ZNF880: variants seen among roughly 807,000 people sequenced by gnomAD.
ZNF880 encodes the protein zinc finger protein 880, also known as zinc finger protein LOC400713.
In ZNF880, 12 loss-of-function variants were observed where a neutral mutation model predicts 11.8. The observed-to-expected ratio is 1.02, with a 90% CI of 0.65 to 1.65. The LOEUF (loss-of-function observed/expected upper bound fraction) is 1.65, where lower values mean the gene tolerates loss of function less well. Ranked by LOEUF, ZNF880 falls within the 40% of genes most tolerant of loss-of-function variation. ZNF880 has a pLI of 0.00. For synonymous variants in ZNF880, 210 were observed against 232.4 expected, an observed-to-expected ratio of 0.90 and a Z score of 0.88; for missense variants, 601 against 673.9, an observed-to-expected ratio of 0.89 and a Z score of 1.20.
At position 52,384,254 on chromosome 19, in the gene ZNF880, C is replaced by T. The variant is rs1349255894; in HGVS notation, c.674C>T (p.Ser225Leu). Residue 225 changes from serine (S) to leucine (L), a missense_variant, in exon 4 of 4, where the codon TCA (serine) becomes TTA (leucine). Ser to Leu is a moderately radical substitution (Grantham distance 145). Around this residue, in one of 3 missense-constraint regions of ZNF880, gnomAD observed 420 missense variants for 442.6 expected, o/e 0.95. Coordinates refer to ENST00000422689, the MANE Select transcript of ZNF880 (RefSeq NM_001145434.2). The stretch of plus-strand genomic sequence containing the variant: ...TGTGACAAGGTCTTCAGTAACAGTT[C>T]AAACCTTGTACAACATCAAAGAATT... Reference protein sequence around the residue: ...NECDKVFSNSSNLVQHQRIHT... With the variant: ...NECDKVFSNSLNLVQHQRIHT... 6.2e-7 allele frequency: 1 copy of T among 1,613,342 alleles called. No homozygotes were observed. Among genetic ancestry groups the T allele is most frequent in the Middle Eastern group, 1.6e-4 (1 of 6,062 alleles).
At position 52,384,861 on chromosome 19, in the gene ZNF880, AC is replaced by A; in HGVS notation, c.1282del (p.Leu428Ter). 6.2e-7 allele frequency: 1 copy of A among 1,611,582 alleles called. No individual in the cohort carries two copies. Among genetic ancestry groups the A allele is most frequent in the Non-Finnish European group, 8.5e-7 (1 of 1,178,572 alleles). On this transcript the variant is annotated frameshift_variant, in exon 4 of 4. Transcript: ENST00000422689. LOFTEE classifies it low-confidence loss of function (END_TRUNC). ...RDCSGLTAHL[L>X]IHTGEKPYKC... ...ACTGTTCAGGCCTTACTGCCCATCT[AC>A]TAATTCACACTGGAGAGAAACCTTA...
chr19:52,394,295 G>A, the ZNF880 span, among the ~76,000 whole-genome samples: 1 of 152,178 alleles, frequency 6.6e-6, no homozygotes, highest in African/African-American at 2.4e-5. Flanking sequence ...GGAGTGCAGT[G>A]GAGCAATCTC....
intron 1 of ZNF880, among the ~76,000 whole-genome samples, chr19:52,371,853 T>TGTACAACATTTAGAAA (rs1193038612): frequency 6.6e-6 from 1 of 152,116 alleles, no homozygotes; most frequent in East Asian, 1.9e-4. Flanking sequence ...CGTTAGTACA[T>TGTACAACATTTAGAAA]GTACAACATT....
chr19:52,394,569 A>G, the ZNF880 span, among the ~76,000 whole-genome samples: 1 of 152,188 alleles, frequency 6.6e-6, no homozygotes, highest in Non-Finnish European at 1.5e-5. Flanking sequence ...GGTTGACCTT[A>G]TACTTTGCTA....
At position 52,384,913 on chromosome 19, in the gene ZNF880, T is replaced by G. The variant is rs1164048573; in HGVS notation, c.1333T>G (p.Phe445Val). The G allele has an allele frequency of 6.2e-7, 1 of 1,603,124 alleles. No homozygotes were observed. ...CAAATGTAAAGAATGTGCCAAGGTCTTCAGGCATAGATTATCCCTAAGCAA... is the reference window on the plus strand; with the variant it reads ...CAAATGTAAAGAATGTGCCAAGGTCGTCAGGCATAGATTATCCCTAAGCAA... ...PYKCKECAKV[F>V]RHRLSLSNHQ... Residue 445 changes from phenylalanine (F) to valine (V), a missense_variant, in exon 4 of 4, where the codon TTC becomes GTC. Around this residue, in one of 3 missense-constraint regions of ZNF880, gnomAD observed 177 missense variants for 214.5 expected, o/e 0.83. Transcript: ENST00000422689.
chr19:52,376,959 T>C (rs1040225220), intron 3 of ZNF880, among the ~76,000 whole-genome samples: 6 of 152,236 alleles, frequency 3.9e-5, no homozygotes, highest in South Asian at 2.1e-4. Context: ...CTGCCGATTA[T>C]TTCTTTTGCT....
At chr19:52,385,824 C>T (rs1986869480), downstream of ZNF880, 1 of 148,032 alleles carries the variant, frequency 6.8e-6, no homozygotes, top group Non-Finnish European at 1.5e-5. Context: ...GACTTTCATC[C>T]TCAACTCTGA....
rs2122408144 is a variant in ZNF880, at chr19:52,384,027, T to G, written c.447T>G (p.Ile149Met). ...NNSLVSPLQK[I>M]YSSVKSHILN... is the part of the protein sequence containing the mutation. ...CCTTAGTTTCACCACTTCAAAAAATTTATTCTAGTGTCAAATCCCACATTT... is the reference window on the plus strand; with the variant it reads ...CCTTAGTTTCACCACTTCAAAAAATGTATTCTAGTGTCAAATCCCACATTT... The change falls in exon 4 of 4, where the codon ATT (isoleucine) becomes ATG (methionine). Residue 149 changes from isoleucine to methionine, a missense_variant. Ile to Met is a conservative substitution (Grantham distance 10). Around this residue, in one of 3 missense-constraint regions of ZNF880, gnomAD observed 420 missense variants for 442.6 expected, o/e 0.95. Transcript: ENST00000422689. 6.4e-7 allele frequency: 1 copy of G among 1,555,276 alleles called. No individual in the cohort carries two copies. Among genetic ancestry groups the G allele is most frequent in the Non-Finnish European group, 8.7e-7 (1 of 1,149,066 alleles).
rs780339138 is a variant in ZNF880, at chr19:52,384,011, C to T, written c.431C>T (p.Ser144Leu). 1.3e-6 allele frequency: 2 copies of T among 1,553,638 alleles called. No individual in the cohort carries two copies. The highest frequency in any genetic ancestry group is 2.4e-5 in the South Asian group (2 of 84,328). Reference protein sequence around the residue: ...VEKPINNSLVSPLQKIYSSVK... With the variant: ...VEKPINNSLVLPLQKIYSSVK... Reference sequence around the variant, plus strand: ...AAACCTATCAACAATTCCTTAGTTTCACCACTTCAAAAAATTTATTCTAGT... The same window carrying T: ...AAACCTATCAACAATTCCTTAGTTTTACCACTTCAAAAAATTTATTCTAGT... The change falls in exon 4 of 4, where the codon TCA becomes TTA. Residue 144 changes from serine to leucine, a missense_variant. Ser to Leu is a moderately radical substitution (Grantham distance 145). Transcript: ENST00000422689.
upstream of ZNF880, chr19:52,367,496 G>A (rs573460691): frequency 6.6e-6 from 1 of 152,188 alleles, no homozygotes; most frequent in Non-Finnish European, 1.5e-5. Context: ...ACCTCAGGAG[G>A]ATACTTTATA....
chr19:52,375,641 C>T (rs1269500326), intron 3 of ZNF880, among the ~76,000 whole-genome samples: 1 of 151,974 alleles, frequency 6.6e-6, no homozygotes, highest in Non-Finnish European at 1.5e-5. Flanking sequence ...AGTCTTTTAT[C>T]CCTCACCCCC....
In ZNF880 at chr19:52,372,357, G is replaced by A. The variant is rs999328418; in HGVS notation, c.13-754G>A. On this transcript the variant is annotated intron_variant, in intron 1 of 3. Transcript: ENST00000422689. Reference sequence around the variant, plus strand: ...GGCTGGAGTGCAGTGGCACCATCTCGGCTCACTGCAAGCTCCGCCTCCCAG... The same window carrying A: ...GGCTGGAGTGCAGTGGCACCATCTCAGCTCACTGCAAGCTCCGCCTCCCAG... 8.3e-5 allele frequency among the ~76,000 whole-genome samples: 12 copies of A among 144,396 alleles called. No homozygotes were observed. In the East Asian group the frequency reaches 2.5e-3, roughly 30 times the overall value. 94.7% of individuals were successfully genotyped at this position (144,396 alleles called of 152,430 possible).
intron 1 of ZNF880, among the ~76,000 whole-genome samples, chr19:52,372,367 A>C (rs1030778924): frequency 1.4e-5 from 2 of 144,586 alleles, no homozygotes; most frequent in Admixed American, 6.9e-5. Flanking sequence ...GGCTCACTGC[A>C]AGCTCCGCCT....
chr19:52,383,949 A>G lies in ZNF880; in HGVS notation c.369A>G (p.Gln123=). ...QLHLSELQLF[Q]AERNISGCKH... ...ATCTGAGTGAACTGCAGCTATTTCA[A>G]GCTGAAAGGAATATTTCTGGATGTA... Residue 123 remains glutamine, a synonymous_variant, in exon 4 of 4, where the codon CAA becomes CAG. Transcript: ENST00000422689. 1 of 1,556,312 alleles carries G rather than the reference A, an allele frequency of 6.4e-7. No homozygotes were observed. The highest frequency in any genetic ancestry group is 8.7e-7 in the Non-Finnish European group (1 of 1,149,280).
At chr19:52,393,916 A>G in the ZNF880 span, among the ~76,000 whole-genome samples, 1 of 140,848 alleles carries the variant, frequency 7.1e-6, no homozygotes, top group South Asian at 2.3e-4. Flanking sequence ...AGCTCACTGC[A>G]AGCTCCGCCT....
chr19:52,394,856 G>C, the ZNF880 span: 1 of 33,116 alleles, frequency 3.0e-5, no homozygotes, highest in Non-Finnish European at 8.4e-5. Flanking sequence ...ATCTTTAAAG[G>C]TGAGAAAAAA....
In ZNF880 at chr19:52,384,962, A is replaced by G. The variant is rs1188388668; in HGVS notation, c.1382A>G (p.Glu461Gly). The change falls in exon 4 of 4, where the codon GAG (glutamate) becomes GGG (glycine). Residue 461 changes from glutamate to glycine, a missense_variant. Transcript: ENST00000422689. ...LSNHQRFHTG[E>G]KPYRCDECGK... ...AATCATCAGAGATTTCATACTGGAG[A>G]GAAACCTTACAGATGTGATGAATGT... is the stretch of plus-strand genomic sequence containing the variant. 6.4e-7 allele frequency: 1 copy of G among 1,571,308 alleles called. No homozygotes were observed. Among genetic ancestry groups the G allele is most frequent in the East Asian group, 2.3e-5 (1 of 42,872 alleles).
At chr19:52,390,326 C>T, downstream of ZNF880, 1 of 411,410 alleles carries the variant, frequency 2.4e-6, no homozygotes, top group South Asian at 1.7e-5. Context: ...AGCGACGCAG[C>T]CCCAGTCCCA....
At chr19:52,393,139 C>G in the ZNF880 span, among the ~76,000 whole-genome samples, 3 of 150,508 alleles carry the variant, frequency 2.0e-5, no homozygotes, top group Non-Finnish European at 3.0e-5. Context: ...GTGGCGCAAT[C>G]TCGGCTCACT....
Sources: allele counts gnomAD v4.1 joint callset (sites outside exome capture counted in the v4.1 genomes callset), GRCh38; gene constraint gnomAD v4.1.1; regional missense constraint gnomAD v4.1.1; transcripts MANE v1.5; gene names NCBI Gene and HGNC (gene_info 2026-07-23, HGNC 2026-07-21).